Variants in DACH2 observed in about 807,000 individuals in gnomAD.
DACH2 encodes dachshund family transcription factor 2.
A neutral mutation model predicts 35.8 loss-of-function variants in DACH2; 17 were observed. The ratio of observed to expected loss-of-function variants is 0.48; its 90% CI spans 0.33 to 0.71. The LOEUF is 0.71. DACH2 is among the 30% of genes least tolerant of loss of function. DACH2 has a pLI of 0.02. For missense variants in DACH2, 469 were observed against 472.7 expected, an observed-to-expected ratio of 0.99 and a Z score of 0.07; for synonymous variants, 195 against 177.3, an observed-to-expected ratio of 1.10 and a Z score of -0.79.
At chrX:86,618,105 A>G (rs6617250) in intron 3 of DACH2, among the ~76,000 whole-genome samples, 26,239 of 110,374 alleles carry the variant, frequency 0.24, 2,689 homozygotes, top group African/African-American at 0.39. Context: ...GATAAACACT[A>G]TCTCATATAT....
intron 7 of DACH2, among the ~76,000 whole-genome samples, chrX:86,791,431 A>T (rs1041906075): frequency 9.0e-6 from 1 of 111,590 alleles, no homozygotes; most frequent in East Asian, 2.8e-4. Flanking sequence ...CAATACCTCA[A>T]ATCCTCTTCT....
At chrX:86,401,018 G>A (rs1209449247) in intron 2 of DACH2, among the ~76,000 whole-genome samples, 1 of 112,396 alleles carries the variant, frequency 8.9e-6, no homozygotes, top group Non-Finnish European at 1.9e-5. Flanking sequence ...GAGCTGTGGT[G>A]GACTCCACAC....
intron 1 of DACH2, among the ~76,000 whole-genome samples, chrX:86,251,788 G>T (rs2033406371): frequency 9.0e-6 from 1 of 111,687 alleles, no homozygotes; most frequent in African/African-American, 3.2e-5. Flanking sequence ...TGCGAATTGT[G>T]CTGCTATAAA....
At chrX:86,307,307 G>T (rs2034708561) in intron 1 of DACH2, among the ~76,000 whole-genome samples, 1 of 111,718 alleles carries the variant, frequency 9.0e-6, no homozygotes, top group South Asian at 3.7e-4. Context: ...ATAGACACAA[G>T]TTCTTATCAT....
chrX:86,336,887 C>G (rs1453652297), intron 1 of DACH2, among the ~76,000 whole-genome samples: 1 of 108,470 alleles, frequency 9.2e-6, no homozygotes, highest in Non-Finnish European at 1.9e-5. Flanking sequence ...CATAAATGAC[C>G]TGATAGAGCT....
intron 3 of DACH2, among the ~76,000 whole-genome samples, chrX:86,646,252 C>T (rs149687035): frequency 1.0e-4 from 11 of 108,925 alleles, no homozygotes; most frequent in South Asian, 3.9e-4. Context: ...TGTATACATG[C>T]GCATAGAGTG....
At chrX:86,542,658 A>T (rs1031847055) in intron 3 of DACH2, among the ~76,000 whole-genome samples, 5 of 111,979 alleles carry the variant, frequency 4.5e-5, no homozygotes, top group Non-Finnish European at 9.4e-5. Flanking sequence ...ACACAAAAAG[A>T]TTAAGACACA....
intron 7 of DACH2, among the ~76,000 whole-genome samples, chrX:86,766,757 TTATA>T (rs1490687966): frequency 8.9e-6 from 1 of 111,937 alleles, no homozygotes; most frequent in Admixed American, 9.5e-5. Flanking sequence ...TTTCTCCATG[TTATA>T]TTCCTCTGTG....
At chrX:86,625,997 A>C in intron 3 of DACH2, among the ~76,000 whole-genome samples, 1 of 111,617 alleles carries the variant, frequency 9.0e-6, no homozygotes, top group East Asian at 2.9e-4. Context: ...ATGTCTGCCC[A>C]ACAGTCCCCC....
At chrX:86,804,488 C>T (rs1251660474) in intron 7 of DACH2, among the ~76,000 whole-genome samples, 1 of 111,543 alleles carries the variant, frequency 9.0e-6, no homozygotes, top group African/African-American at 3.3e-5. Flanking sequence ...TCATTCTGCC[C>T]TGACCCCTCC....
chrX:86,336,806 T>A (rs1259163119), intron 1 of DACH2, among the ~76,000 whole-genome samples: 1 of 109,650 alleles, frequency 9.1e-6, no homozygotes, highest in African/African-American at 3.3e-5. Flanking sequence ...TCTAACCCAA[T>A]GCAAGAAAGC....
chrX:86,810,624 C>A (rs1274746397), intron 7 of DACH2, among the ~76,000 whole-genome samples: 4 of 111,643 alleles, frequency 3.6e-5, no homozygotes, highest in African/African-American at 9.7e-5. Context: ...AAAAATACTA[C>A]TTAAATGTAG....
chrX:86,762,319 A>G (rs1653957821), intron 7 of DACH2, among the ~76,000 whole-genome samples: 1 of 111,509 alleles, frequency 9.0e-6, no homozygotes, highest in African/African-American at 3.3e-5. Context: ...AGACCTTATT[A>G]TCTCTAATCT....
At chrX:86,298,007 C>T (rs964155868) in intron 1 of DACH2, among the ~76,000 whole-genome samples, 1 of 111,932 alleles carries the variant, frequency 8.9e-6, no homozygotes, top group Non-Finnish European at 1.9e-5. Context: ...CAGCAGTGAA[C>T]CTCCTTGCCT....
At chrX:86,436,700 T>C (rs1238314113) in intron 2 of DACH2, among the ~76,000 whole-genome samples, 2 of 111,543 alleles carry the variant, frequency 1.8e-5, no homozygotes, top group Admixed American at 1.9e-4. Flanking sequence ...TAAGAAAAGA[T>C]TATAGAGAAT....
chrX:86,296,317 C>G (rs1410538348), intron 1 of DACH2, among the ~76,000 whole-genome samples: 1 of 97,455 alleles, frequency 1.0e-5, no homozygotes. Flanking sequence ...GGAGGCGGAG[C>G]TTGCAGTGAG....
At chrX:86,204,804 G>C (rs190906400) in intron 1 of DACH2, among the ~76,000 whole-genome samples, 209 of 111,880 alleles carry the variant, frequency 1.9e-3, no homozygotes, top group Non-Finnish European at 3.0e-3. Flanking sequence ...AATCGGATGG[G>C]AGATATTATT....
At chrX:86,289,723 C>G (rs1255699063) in intron 1 of DACH2, among the ~76,000 whole-genome samples, 1 of 108,743 alleles carries the variant, frequency 9.2e-6, no homozygotes, top group Non-Finnish European at 1.9e-5. Context: ...TTTCCAATTT[C>G]CTCCATGTCC....
chrX:86,271,557 G>T (rs191727447), intron 1 of DACH2, among the ~76,000 whole-genome samples: 4 of 111,748 alleles, frequency 3.6e-5, no homozygotes, highest in African/African-American at 9.7e-5. Flanking sequence ...AATTGGTTGA[G>T]CAGGGAGAAG....
Sources: allele counts gnomAD v4.1 joint callset (sites outside exome capture counted in the v4.1 genomes callset), GRCh38; gene constraint gnomAD v4.1.1; transcripts MANE v1.5; gene names NCBI Gene and HGNC (gene_info 2026-07-23, HGNC 2026-07-21).